The following STN1 variants were observed in gnomAD, a reference collection of about 807,000 sequenced individuals.
STN1 encodes CST complex subunit STN1.
STN1 carries 29 observed loss-of-function variants against 45.5 expected under a neutral mutation model. The ratio of observed to expected loss-of-function variants is 0.64; its 90% CI spans 0.47 to 0.87. The LOEUF (loss-of-function observed/expected upper bound fraction) is 0.87. Ranked by LOEUF, STN1 falls within the 40% of genes least tolerant of loss-of-function variation. STN1 has a pLI of 0.00. For synonymous variants in STN1, 148 were observed against 159.0 expected, an observed-to-expected ratio of 0.93 and a Z score of 0.52; for missense variants, 376 against 441.4, an observed-to-expected ratio of 0.85 and a Z score of 1.33.
At position 103,882,209 on chromosome 10, in the gene STN1, C is replaced by T. The variant is rs187903190; in HGVS notation, c.*475G>A. The stretch of plus-strand genomic sequence containing the variant: ...TCCAGGGAGAACTACTCCCCTAAAC[C>T]GGTTCTTAGCCAGCAAGAGAGGCCC... On this transcript the variant is annotated 3_prime_UTR_variant, in exon 10 of 10. Transcript: ENST00000224950. Among the ~76,000 whole-genome samples, 116 of 152,314 alleles carry T rather than the reference C, an allele frequency of 7.6e-4. 2 individuals carry two copies. The East Asian group carries it at 0.022, about 29-fold the overall frequency.
chr10:103,891,988 G>GAAGGAT, intron 8 of STN1, 142 bp downstream of exon 8: 1 of 662,908 alleles, frequency 1.5e-6, no homozygotes, highest in South Asian at 2.4e-5. Flanking sequence ...ATACCTCGGG[G>GAAGGAT]AAGGATAAGG....
chr10:103,881,780 C>T lies in STN1; in HGVS notation c.*904G>A, dbSNP rs1023306604. On this transcript the variant is annotated 3_prime_UTR_variant, in exon 10 of 10. Coordinates refer to ENST00000224950, the MANE Select transcript of STN1 (RefSeq NM_024928.5). The stretch of plus-strand genomic sequence containing the variant: ...TTTTGCTGTCAGAACAGGCCTACAA[C>T]ATACCTCAGATGTTTTTCCTTTACC... Among the ~76,000 whole-genome samples the T allele has an allele frequency of 1.3e-5, 2 of 152,228 alleles. No individual in the cohort carries two copies. Among genetic ancestry groups the T allele is most frequent in the African/African-American group, 4.8e-5 (2 of 41,450 alleles).
At chr10:103,899,021 A>T (rs1843190078) in intron 5 of STN1, 21 bp from the exon 6 acceptor site, 4 of 1,612,626 alleles carry the variant, frequency 2.5e-6, no homozygotes, top group Non-Finnish European at 3.4e-6. Context: ...ACCAGAAAAA[A>T]GATGCTACAG....
chr10:103,888,676 C>G (rs539576467), intron 9 of STN1, among the ~76,000 whole-genome samples: 24 of 152,258 alleles, frequency 1.6e-4, no homozygotes, highest in African/African-American at 2.4e-4. Flanking sequence ...GGGGGGCAAG[C>G]ATGAAATAGG....
chr10:103,897,854 T>A, intron 6 of STN1, 135 bp from the exon 7 acceptor site: 1 of 720,492 alleles, frequency 1.4e-6, no homozygotes, highest in Non-Finnish European at 2.2e-6. Flanking sequence ...GAGTAATATA[T>A]ACAGGGAACA....
At chr10:103,890,281 T>TATGACGAAGATTAAACAAGGTC (rs1339194546) in intron 8 of STN1, among the ~76,000 whole-genome samples, 2 of 152,192 alleles carry the variant, frequency 1.3e-5, no homozygotes, top group Non-Finnish European at 2.9e-5. Context: ...CTCACAAGGT[T>TATGACGAAGATTAAACAAGGTC]ATGACGAAGA....
intron 8 of STN1, 148 bp downstream of exon 8, chr10:103,891,982 C>G (rs912717411): frequency 3.1e-5 from 20 of 636,236 alleles, no homozygotes; most frequent in Non-Finnish European, 4.6e-5. Flanking sequence ...AAAGAGATAC[C>G]TCGGGGAAGG....
intron 8 of STN1, 127 bp downstream of exon 8, chr10:103,892,003 A>T: frequency 3.8e-6 from 3 of 795,230 alleles, no homozygotes; most frequent in Non-Finnish European, 5.7e-6. Flanking sequence ...ATAAGGGCCA[A>T]CTTTCACTTC....
At chr10:103,892,005 T>C (rs774054720) in intron 8 of STN1, 125 bp downstream of exon 8, 28 of 824,072 alleles carry the variant, frequency 3.4e-5, no homozygotes, top group South Asian at 1.3e-4. Context: ...AAGGGCCAAC[T>C]TTCACTTCTG....
At chr10:103,889,205 C>G (rs963584186) in intron 8 of STN1, 61 bp from the exon 9 acceptor site, 1 of 1,032,162 alleles carries the variant, frequency 9.7e-7, no homozygotes, top group Non-Finnish European at 1.5e-6. Flanking sequence ...GTTGTGTCAT[C>G]CAGACTTCCA....
intron 2 of STN1, among the ~76,000 whole-genome samples, chr10:103,912,785 T>C (rs1843300055): frequency 6.6e-6 from 1 of 152,184 alleles, no homozygotes; most frequent in African/African-American, 2.4e-5. Flanking sequence ...AGAGTAAAGT[T>C]AGAGAGAACT....
intron 9 of STN1, among the ~76,000 whole-genome samples, chr10:103,887,911 G>A (rs1843114435): frequency 6.6e-6 from 1 of 152,196 alleles, no homozygotes; most frequent in South Asian, 2.1e-4. Context: ...CTGCAGAGAT[G>A]TTATCTTGGG....
rs962135107 is a variant in STN1, at chr10:103,880,943, C to T, written c.*1741G>A. On this transcript the variant is annotated 3_prime_UTR_variant, in exon 10 of 10. Coordinates refer to ENST00000224950, the MANE Select transcript of STN1 (RefSeq NM_024928.5). ...ATAAAGACCTCCATGCAGAAATATACACTCTCTCTACGGATATATACATAC... is the reference window on the plus strand; with the variant it reads ...ATAAAGACCTCCATGCAGAAATATATACTCTCTCTACGGATATATACATAC... 1.3e-5 allele frequency among the ~76,000 whole-genome samples: 2 copies of T among 152,130 alleles called. No homozygotes were observed. Among genetic ancestry groups the T allele is most frequent in the Non-Finnish European group, 2.9e-5 (2 of 68,028 alleles).
rs1191568046 is a variant in STN1 at position 103,878,556 on chromosome 10, G to A, written c.*4128C>T. 2.6e-5 allele frequency: 4 copies of A among 152,180 alleles called. No homozygotes were observed. The highest frequency in any genetic ancestry group is 1.3e-4 in the Admixed American group (2 of 15,272). 9.4% of individuals were successfully genotyped at this position (152,180 alleles called of 1,614,324 possible). On this transcript the variant is annotated 3_prime_UTR_variant, in exon 10 of 10. Transcript: ENST00000224950. Reference sequence around the variant, plus strand: ...GCCGAGTCTGGCTTACACACCGGTTGAATTCTTGTCCAGCGCCCAAGAAGA... The same window carrying A: ...GCCGAGTCTGGCTTACACACCGGTTAAATTCTTGTCCAGCGCCCAAGAAGA...
chr10:103,905,140 T>A lies in STN1; in HGVS notation c.246A>T (p.Gly82=), dbSNP rs766635321. The A allele has an allele frequency of 7.4e-6, 12 of 1,614,006 alleles. No individual in the cohort carries two copies. Among genetic ancestry groups the A allele is most frequent in the South Asian group, 5.5e-5 (5 of 91,078 alleles). The change falls in exon 4 of 10, where the codon GGA becomes GGT. Residue 82 remains glycine (G), a synonymous_variant. Coordinates refer to ENST00000224950, the MANE Select transcript of STN1 (RefSeq NM_024928.5). ...FYSYGVDDST[G]VINCICWKKL... is the part of the protein sequence containing the mutation. ...TTTTCCAGCAGATGCAGTTTATAAC[T>A]CCAGTGCTGTCATCCACTGCAAGAG...
At chr10:103,914,042 C>T (rs1564636015) in intron 2 of STN1, among the ~76,000 whole-genome samples, 2 of 152,240 alleles carry the variant, frequency 1.3e-5, no homozygotes, top group African/African-American at 4.8e-5. Context: ...TTTAAAAGTA[C>T]TTTTGATTGC....
chr10:103,906,015 A>C (rs965674867), intron 3 of STN1, among the ~76,000 whole-genome samples: 2 of 152,222 alleles, frequency 1.3e-5, no homozygotes, highest in Non-Finnish European at 1.5e-5. Flanking sequence ...AAAAAAAATC[A>C]TCAACTAGAC....
intron 2 of STN1, among the ~76,000 whole-genome samples, chr10:103,912,961 G>A (rs1843301164): frequency 6.6e-6 from 1 of 152,188 alleles, no homozygotes; most frequent in Admixed American, 6.6e-5. Context: ...ACCCACAGAG[G>A]GCCGGCTGTC....
chr10:103,885,138 G>T (rs1459349404), intron 9 of STN1, among the ~76,000 whole-genome samples: 1 of 152,152 alleles, frequency 6.6e-6, no homozygotes, highest in African/African-American at 2.4e-5. Flanking sequence ...AGAGACCAGG[G>T]GGAACTACTA....
Sources: gnomAD v4.1 joint callset for allele counts (sites outside exome capture counted in the v4.1 genomes callset) on GRCh38, gnomAD v4.1.1 for gene constraint, MANE v1.5 for transcripts, NCBI Gene and HGNC (gene_info 2026-07-23, HGNC 2026-07-21) for gene names.